Variants in SHQ1 observed in about 807,000 individuals in gnomAD.
The protein encoded by SHQ1 is protein SHQ1 homolog.
Under a neutral mutation model 53.8 loss-of-function variants are expected in SHQ1, and 49 were observed. The observed-to-expected ratio is 0.91, with a 90% CI of 0.72 to 1.16. SHQ1 has a LOEUF of 1.16. Among genes scored for constraint, SHQ1 ranks in the 50% most tolerant of loss-of-function variants. The probability of loss-of-function intolerance (pLI) is 0.00; values close to 1 mark genes in which losing one functional copy is unlikely to be tolerated. For missense variants in SHQ1, 738 were observed against 683.1 expected, an observed-to-expected ratio of 1.08 and a Z score of -0.90; for synonymous variants, 243 against 251.0, an observed-to-expected ratio of 0.97 and a Z score of 0.30.
the SHQ1 span, among the ~76,000 whole-genome samples, chr3:72,737,285 A>G: frequency 6.6e-6 from 1 of 151,996 alleles, no homozygotes; most frequent in East Asian, 1.9e-4. Context: ...CTCCCAAAAA[A>G]GAAAAAATAA....
At chr3:72,789,922 C>T (rs1482528403) in intron 10 of SHQ1, among the ~76,000 whole-genome samples, 1 of 152,134 alleles carries the variant, frequency 6.6e-6, no homozygotes, top group African/African-American at 2.4e-5. Context: ...TGGGTGGAGA[C>T]AACTGGTTGC....
At chr3:72,799,185 A>G (rs1043699163) in intron 9 of SHQ1, among the ~76,000 whole-genome samples, 2 of 152,094 alleles carry the variant, frequency 1.3e-5, no homozygotes, top group African/African-American at 4.8e-5. Context: ...TTTTAAAACA[A>G]TAAGTAAAGA....
intron 9 of SHQ1, among the ~76,000 whole-genome samples, chr3:72,803,480 C>CT (rs902209729): frequency 3.3e-5 from 5 of 152,116 alleles, no homozygotes; most frequent in African/African-American, 1.2e-4. Context: ...TAAGTCTCAC[C>CT]TTGTGGGAAG....
At chr3:72,833,392 G>A (rs1026354401) in intron 4 of SHQ1, among the ~76,000 whole-genome samples, 1 of 152,106 alleles carries the variant, frequency 6.6e-6, no homozygotes, top group African/African-American at 2.4e-5. Context: ...AGTGAGCCAA[G>A]ATCATGCCAC....
chr3:72,781,051 CTCTTTTTTTTTT>C (rs1364498058), intron 10 of SHQ1, among the ~76,000 whole-genome samples: 167 of 149,564 alleles, frequency 1.1e-3, no homozygotes, highest in African/African-American at 4.0e-3. Flanking sequence ...CAATTTTCTT[CTCTTTTTTTTTT>C]TCTTTTTTTT....
At position 72,848,425 on chromosome 3, in the gene SHQ1, CAGGAACTCTCGGTGTG is replaced by C. The variant is rs1708432086; in HGVS notation, c.-101_-86del. On this transcript the variant is annotated 5_prime_UTR_variant, in exon 1 of 11. Coordinates refer to ENST00000325599, the MANE Select transcript of SHQ1 (RefSeq NM_018130.3). ...CGCAAACTCTCCAACTCCCCACGCG[CAGGAACTCTCGGTGTG>C]AGGGACGGAGCTTCCGGCTCGAGGC... is the stretch of plus-strand genomic sequence containing the variant. 1 of 1,560,964 alleles carries C rather than the reference CAGGAACTCTCGGTGTG, an allele frequency of 6.4e-7. No homozygotes were observed. The highest frequency in any genetic ancestry group is 1.9e-5 in the Admixed American group (1 of 52,010).
intron 10 of SHQ1, among the ~76,000 whole-genome samples, chr3:72,755,687 C>A (rs1007017783): frequency 8.6e-5 from 13 of 151,880 alleles, no homozygotes; most frequent in African/African-American, 3.1e-4. Flanking sequence ...TTTTTTTCAA[C>A]CACTAGTACA....
chr3:72,840,386 T>C (rs908759012), intron 4 of SHQ1, among the ~76,000 whole-genome samples: 2 of 149,786 alleles, frequency 1.3e-5, no homozygotes, highest in African/African-American at 4.9e-5. Flanking sequence ...TAAAACCCCA[T>C]CTCCGCAAAA....
At chr3:72,732,318 T>C in the SHQ1 span, among the ~76,000 whole-genome samples, 1 of 149,974 alleles carries the variant, frequency 6.7e-6, no homozygotes, top group Non-Finnish European at 1.5e-5. Flanking sequence ...CCTTCCACCC[T>C]GGACCTTCAG....
intron 5 of SHQ1, among the ~76,000 whole-genome samples, chr3:72,827,870 T>C (rs1707707484): frequency 6.6e-6 from 1 of 150,802 alleles, no homozygotes; most frequent in African/African-American, 2.4e-5. Flanking sequence ...TTCTCCTGCC[T>C]CAGCCTCCCA....
At chr3:72,799,407 T>A (rs1026044278) in intron 9 of SHQ1, among the ~76,000 whole-genome samples, 4 of 152,208 alleles carry the variant, frequency 2.6e-5, no homozygotes, top group Admixed American at 2.0e-4. Flanking sequence ...AATTTTCATA[T>A]GTCATTTGAC....
intron 6 of SHQ1, among the ~76,000 whole-genome samples, chr3:72,820,285 C>G (rs1335848992): frequency 6.6e-6 from 1 of 152,188 alleles, no homozygotes; most frequent in East Asian, 1.9e-4. Context: ...TAACTGTGCA[C>G]AGAAGAAAAA....
the SHQ1 span, among the ~76,000 whole-genome samples, chr3:72,742,883 G>C: frequency 6.6e-6 from 1 of 152,110 alleles, no homozygotes; most frequent in Non-Finnish European, 1.5e-5. Context: ...CGATCCACCT[G>C]CCTCGGCCTC....
intron 10 of SHQ1, among the ~76,000 whole-genome samples, chr3:72,792,707 C>A (rs115252792): frequency 0.013 from 1,822 of 141,318 alleles, 15 homozygotes; most frequent in Non-Finnish European, 0.018. Context: ...ATCACTTGAA[C>A]TTGGGAGACG....
At chr3:72,846,052 T>C (rs570850612) in intron 1 of SHQ1, among the ~76,000 whole-genome samples, 1 of 152,250 alleles carries the variant, frequency 6.6e-6, no homozygotes, top group South Asian at 2.1e-4. Context: ...ACAGTAACTA[T>C]CCAAGCGTTA....
intron 4 of SHQ1, among the ~76,000 whole-genome samples, chr3:72,832,896 A>G (rs1575732601): frequency 6.6e-6 from 1 of 152,308 alleles, no homozygotes; most frequent in East Asian, 1.9e-4. Context: ...CTTTCTTCCT[A>G]TAGTCTAGCT....
At chr3:72,764,734 C>T (rs1042910944) in intron 10 of SHQ1, among the ~76,000 whole-genome samples, 6 of 152,180 alleles carry the variant, frequency 3.9e-5, no homozygotes, top group African/African-American at 1.4e-4. Flanking sequence ...GAACAGGAGT[C>T]TTTTTAACAA....
chr3:72,784,977 T>C (rs1706180404), intron 10 of SHQ1, among the ~76,000 whole-genome samples: 1 of 152,204 alleles, frequency 6.6e-6, no homozygotes, highest in South Asian at 2.1e-4. Context: ...CTACTTCTGA[T>C]CCCAGTGTGA....
Position 72,792,891 on chromosome 3 carries a change from CG to C in SHQ1, c.1181+24del, listed in dbSNP as rs765349388. 3 of 1,548,954 alleles carry C rather than the reference CG, an allele frequency of 1.9e-6. No homozygotes were observed. In the Admixed American group the frequency reaches 5.3e-5, roughly 27 times the overall value. On this transcript the variant is annotated intron_variant, in intron 10 of 10. Coordinates refer to ENST00000325599, the MANE Select transcript of SHQ1 (RefSeq NM_018130.3). ...TCAGCAATGTGAACATCTAAAAATT[CG>C]TAAGTAACTCTATGAAAACTTACTT...
Sources: gnomAD v4.1 joint callset for allele counts (sites outside exome capture counted in the v4.1 genomes callset) on GRCh38, gnomAD v4.1.1 for gene constraint, MANE v1.5 for transcripts, NCBI Gene and HGNC (gene_info 2026-07-23, HGNC 2026-07-21) for gene names.